FMN2: variants seen among roughly 807,000 people sequenced by gnomAD.
FMN2 encodes the protein formin-2.
A neutral mutation model predicts 142.3 loss-of-function variants in FMN2; 51 were observed. The ratio of observed to expected loss-of-function variants is 0.36; its 90% CI spans 0.29 to 0.45. The LOEUF (loss-of-function observed/expected upper bound fraction) is 0.45, where lower values mean the gene tolerates loss of function less well. Ranked by LOEUF, FMN2 falls within the 20% of genes least tolerant of loss-of-function variation. The pLI is 1.00. For missense variants in FMN2, 1,936 were observed against 2,122.8 expected (o/e 0.91, Z 1.73); for synonymous variants, 882 against 869.8 (o/e 1.01, Z -0.25).
chr1:240,240,135 A>G (rs1392902848), intron 6 of FMN2, among the ~76,000 whole-genome samples: 1 of 152,182 alleles, frequency 6.6e-6, no homozygotes, highest in Non-Finnish European at 1.5e-5. Context: ...AAAATGAGGC[A>G]TCGTGTGTCT....
chr1:240,352,506 G>A (rs557345344), intron 13 of FMN2, among the ~76,000 whole-genome samples: 3 of 152,202 alleles, frequency 2.0e-5, no homozygotes, highest in South Asian at 4.2e-4. Context: ...CGCTTGAACC[G>A]GGAGATGGAG....
chr1:240,097,634 C>T (rs953918386), intron 1 of FMN2, among the ~76,000 whole-genome samples: 5 of 152,152 alleles, frequency 3.3e-5, no homozygotes, highest in Non-Finnish European at 5.9e-5. Flanking sequence ...GGATTACAGG[C>T]GTGAGCCACC....
chr1:240,096,233 G>A (rs141525479), intron 1 of FMN2, among the ~76,000 whole-genome samples: 84 of 152,266 alleles, frequency 5.5e-4, no homozygotes, highest in African/African-American at 1.8e-3. Context: ...GCCATATAGA[G>A]AGTAAAAACT....
At chr1:240,273,256 A>C (rs1030927727) in intron 7 of FMN2, among the ~76,000 whole-genome samples, 2 of 152,210 alleles carry the variant, frequency 1.3e-5, no homozygotes, top group Non-Finnish European at 2.9e-5. Context: ...AGCTGATCAT[A>C]ATAGGGAACA....
At chr1:240,349,141 C>T (rs1036074047) in intron 13 of FMN2, among the ~76,000 whole-genome samples, 1 of 152,156 alleles carries the variant, frequency 6.6e-6, no homozygotes, top group African/African-American at 2.4e-5. Context: ...TTTTGGAGAC[C>T]AAGTGTAGAG....
chr1:240,235,250 A>G (rs972007779), intron 6 of FMN2, among the ~76,000 whole-genome samples: 1 of 152,234 alleles, frequency 6.6e-6, no homozygotes, highest in African/African-American at 2.4e-5. Flanking sequence ...AAGTTGAGAA[A>G]GAGTGCATGG....
chr1:240,211,945 C>T (rs1572071044), intron 6 of FMN2, among the ~76,000 whole-genome samples: 1 of 152,084 alleles, frequency 6.6e-6, no homozygotes, highest in Admixed American at 6.5e-5. Context: ...ATAATGAACT[C>T]CAGATAGAAA....
chr1:240,207,630 G>C lies in FMN2; in HGVS notation c.2818G>C (p.Ala940Pro), dbSNP rs371697625. 65 of 1,158,104 alleles carry C rather than the reference G, an allele frequency of 5.6e-5. No homozygotes were observed. The African/African-American group carries it at 1.5e-3, about 26-fold the overall frequency. 71.7% of individuals were successfully genotyped at this position (1,158,104 alleles called of 1,614,324 possible). A position where few individuals can be genotyped will look rare whatever the true frequency, so the allele number is the denominator to read the frequency against. ...ACTCCCTCTGCCCCCTCTACCCGGA[G>C]CGGGAATACCTCCTCCGCCCCCTCT... ...GILPLPPLPG[A>P]GIPPPPPLPG... The change falls in exon 5 of 18, where the codon GCG becomes CCG. Residue 940 changes from alanine to proline, a missense_variant. Ala to Pro is a conservative substitution (Grantham distance 27). Coordinates refer to ENST00000319653, the MANE Select transcript of FMN2 (RefSeq NM_020066.5).
At chr1:240,439,349 G>A (rs9727814) in intron 16 of FMN2, among the ~76,000 whole-genome samples, 20,449 of 151,436 alleles carry the variant, frequency 0.14, 1,923 homozygotes, top group East Asian at 0.31. Context: ...ACTGTTTTCT[G>A]CTTATTGTCT....
chr1:240,457,060 A>G (rs775656604), intron 16 of FMN2, among the ~76,000 whole-genome samples: 11 of 118,608 alleles, frequency 9.3e-5, no homozygotes, highest in Non-Finnish European at 1.5e-4. Context: ...ATCATCTGAT[A>G]GTTCAGCTAT....
In FMN2 at chr1:240,093,016, G is replaced by T; in HGVS notation, c.907G>T (p.Glu303Ter). 1 of 1,396,394 alleles carries T rather than the reference G, an allele frequency of 7.2e-7. No individual in the cohort carries two copies. Among genetic ancestry groups the T allele is most frequent in the Non-Finnish European group, 9.2e-7 (1 of 1,083,678 alleles). The allele number at this position is 1,396,394 out of a possible 1,614,324, so 86.5% of individuals were successfully genotyped here. Reference protein sequence around the residue: ...PPSPGGLPVSEAPSLPAAQPA... With the variant: ...PPSPGGLPVS The stretch of plus-strand genomic sequence containing the variant: ...GTCCCCCGGCGGCCTCCCGGTCTCC[G>T]AGGCGCCCAGTCTCCCGGCAGCGCA... Residue 303 changes from glutamate to a stop codon, truncating the protein, a stop_gained, in exon 1 of 18, where the codon GAG (glutamate) becomes TAG (stop). Coordinates refer to ENST00000319653, the MANE Select transcript of FMN2 (RefSeq NM_020066.5). LOFTEE classifies it high-confidence loss of function.
chr1:240,202,919 C>G (rs570189372), intron 4 of FMN2, among the ~76,000 whole-genome samples: 1 of 152,194 alleles, frequency 6.6e-6, no homozygotes, highest in African/African-American at 2.4e-5. Flanking sequence ...GAATCTACTT[C>G]TTACATGCTA....
chr1:240,434,022 A>G (rs889113415), intron 15 of FMN2, among the ~76,000 whole-genome samples: 5 of 152,134 alleles, frequency 3.3e-5, no homozygotes, highest in South Asian at 4.2e-4. Context: ...AGAGAAGTAT[A>G]TTTGTACTGT....
At chr1:240,466,971 A>G (rs1415730694) in intron 16 of FMN2, among the ~76,000 whole-genome samples, 2 of 152,328 alleles carry the variant, frequency 1.3e-5, no homozygotes, top group East Asian at 3.9e-4. Flanking sequence ...CTCATTAATT[A>G]GCTTAGTCAT....
At chr1:240,153,372 G>C (rs1431778639) in intron 2 of FMN2, among the ~76,000 whole-genome samples, 1 of 145,654 alleles carries the variant, frequency 6.9e-6, no homozygotes, top group African/African-American at 2.5e-5. Flanking sequence ...CCATTGAGCT[G>C]GTTGTATTTA....
chr1:240,121,425 G>C (rs1662241793), intron 1 of FMN2, among the ~76,000 whole-genome samples: 1 of 150,238 alleles, frequency 6.7e-6, no homozygotes, highest in Admixed American at 6.6e-5. Flanking sequence ...CGCTAGGCTG[G>C]AGTGCAGTGG....
intron 14 of FMN2, among the ~76,000 whole-genome samples, chr1:240,371,365 C>T (rs965593635): frequency 6.6e-5 from 10 of 152,116 alleles, no homozygotes; most frequent in Non-Finnish European, 1.5e-4. Flanking sequence ...TCCTTAGGTT[C>T]TGGGTACTTG....
chr1:240,447,684 C>T (rs1202174774), intron 16 of FMN2, among the ~76,000 whole-genome samples: 1 of 152,162 alleles, frequency 6.6e-6, no homozygotes, highest in Non-Finnish European at 1.5e-5. Flanking sequence ...GTAGATTCGT[C>T]TTTGTGAGGA....
At chr1:240,105,184 C>G (rs528006992) in intron 1 of FMN2, among the ~76,000 whole-genome samples, 1 of 134,434 alleles carries the variant, frequency 7.4e-6, no homozygotes, top group East Asian at 2.3e-4. Context: ...TCTCGGCTGA[C>G]TACAGCCTCA....
Sources: gnomAD v4.1 joint callset for allele counts (sites outside exome capture counted in the v4.1 genomes callset) on GRCh38, gnomAD v4.1.1 for gene constraint, MANE v1.5 for transcripts, NCBI Gene and HGNC (gene_info 2026-07-23, HGNC 2026-07-21) for gene names.